Variants in DCUN1D4 observed in about 807,000 individuals in gnomAD.
DCUN1D4 encodes DCN1-like protein 4.
In DCUN1D4, 22 loss-of-function variants were observed where a neutral mutation model predicts 47.9. That is an observed-to-expected ratio of 0.46 (90% CI 0.33 to 0.66). The LOEUF (loss-of-function observed/expected upper bound fraction) is 0.66, where lower values mean the gene tolerates loss of function less well. Ranked by LOEUF, DCUN1D4 falls within the 30% of genes least tolerant of loss-of-function variation. The probability of loss-of-function intolerance (pLI) is 0.02; values close to 1 mark genes in which losing one functional copy is unlikely to be tolerated. For synonymous variants in DCUN1D4, 121 were observed against 112.2 expected, an observed-to-expected ratio of 1.08 and a Z score of -0.50; for missense variants, 301 against 340.8, an observed-to-expected ratio of 0.88 and a Z score of 0.92.
chr4:51,846,096 T>C (rs1349797140), intron 1 of DCUN1D4, among the ~76,000 whole-genome samples: 7 of 152,218 alleles, frequency 4.6e-5, no homozygotes, highest in Non-Finnish European at 1.0e-4. Flanking sequence ...TCTCTTTTTC[T>C]TTTGTTCTAT....
chr4:51,880,250 G>C (rs1037964059), intron 5 of DCUN1D4, among the ~76,000 whole-genome samples: 5 of 152,212 alleles, frequency 3.3e-5, no homozygotes, highest in Admixed American at 6.5e-5. Flanking sequence ...GCTGTAGGAT[G>C]AGTCTGTGGG....
chr4:51,912,936 G>A (rs1733917095), intron 9 of DCUN1D4, among the ~76,000 whole-genome samples: 1 of 152,154 alleles, frequency 6.6e-6, no homozygotes, highest in Non-Finnish European at 1.5e-5. Flanking sequence ...ACATAAATTA[G>A]TAAATGATCT....
At position 51,843,198 on chromosome 4, in the gene DCUN1D4, G is replaced by C; in HGVS notation, c.-45G>C. On this transcript the variant is annotated 5_prime_UTR_variant, in exon 1 of 11. Transcript: ENST00000334635. ...TGAGCTGGTGGGGGGACCGCGAGGCGAGCGCGGGAGCCTGGGCGGCGAGCC... is the reference window on the plus strand; with the variant it reads ...TGAGCTGGTGGGGGGACCGCGAGGCCAGCGCGGGAGCCTGGGCGGCGAGCC... 1 of 1,538,134 alleles carries C rather than the reference G, an allele frequency of 6.5e-7. No homozygotes were observed.
chr4:51,843,225 G>A lies in DCUN1D4; in HGVS notation c.-18G>A, dbSNP rs749351948. The A allele has an allele frequency of 2.6e-6, 4 of 1,541,526 alleles. No individual in the cohort carries two copies. Among genetic ancestry groups the A allele is most frequent in the African/African-American group, 2.8e-5 (2 of 72,194 alleles). ...GCGCGGGAGCCTGGGCGGCGAGCCGGGTGTGAGCTGCCTGAAAATGCACTC... is the reference window on the plus strand; with the variant it reads ...GCGCGGGAGCCTGGGCGGCGAGCCGAGTGTGAGCTGCCTGAAAATGCACTC... On this transcript the variant is annotated 5_prime_UTR_variant, in exon 1 of 11. Transcript: ENST00000334635.
At chr4:51,908,930 G>A (rs762979671) in intron 8 of DCUN1D4, 3 of 456,290 alleles carry the variant, frequency 6.6e-6, no homozygotes, top group South Asian at 4.6e-5. Context: ...GCCGAAGATG[G>A]TGTTAGTGAT....
intron 8 of DCUN1D4, chr4:51,905,095 C>A: frequency 2.5e-6 from 1 of 403,828 alleles, no homozygotes. Flanking sequence ...TTCTTTCTTC[C>A]CCTTTGAACC....
chr4:51,866,231 C>T (rs866579799), intron 3 of DCUN1D4, among the ~76,000 whole-genome samples: 2 of 152,126 alleles, frequency 1.3e-5, no homozygotes, highest in East Asian at 1.9e-4. Flanking sequence ...GCAGTATATT[C>T]GCATAGTTTT....
At chr4:51,904,220 C>T (rs193153380) in intron 8 of DCUN1D4, among the ~76,000 whole-genome samples, 1 of 152,246 alleles carries the variant, frequency 6.6e-6, no homozygotes, top group East Asian at 1.9e-4. Context: ...TTTGGCCCCA[C>T]TACTAAGGCA....
In DCUN1D4 at chr4:51,877,791, A is replaced by G. The variant is rs1400164933; in HGVS notation, c.280A>G (p.Ile94Val). 6.8e-6 allele frequency: 11 copies of G among 1,611,900 alleles called. No individual in the cohort carries two copies. Among genetic ancestry groups the G allele is most frequent in the Non-Finnish European group, 9.3e-6 (11 of 1,179,128 alleles). Residue 94 changes from isoleucine (I) to valine (V), a missense_variant, in exon 5 of 11, where the codon ATA (isoleucine) becomes GTA (valine). Ile to Val is a conservative substitution (Grantham distance 29). Around this residue, in one of 2 missense-constraint regions of DCUN1D4, gnomAD observed 170 missense variants for 234.5 expected, o/e 0.73. Coordinates refer to ENST00000334635, the MANE Select transcript of DCUN1D4 (RefSeq NM_001040402.3). ...GTATAGAAAATATGATTCGACTAGA[A>G]TAAAGACTGAAGAAGAAGCCTTTTC... ...SMYRKYDSTR[I>V]KTEEEAFSSK...
Position 51,916,479 on chromosome 4 carries a change from C to T in DCUN1D4, c.*2895C>T, listed in dbSNP as rs1247168529. ...TTTTATTCTTAAAACTGCTAAAATA[C>T]CTCTGTAAGCCTTATCCTTTATTCT... On this transcript the variant is annotated 3_prime_UTR_variant, in exon 11 of 11. Transcript: ENST00000334635. 1 of 152,488 alleles carries T rather than the reference C, an allele frequency of 6.6e-6. No homozygotes were observed. The highest frequency in any genetic ancestry group is 2.4e-5 in the African/African-American group (1 of 41,400). The allele number at this position is 152,488 out of a possible 1,614,324, so 9.4% of individuals were successfully genotyped here. A position where few individuals can be genotyped will look rare whatever the true frequency, so the allele number is the denominator to read the frequency against.
intron 6 of DCUN1D4, 179 bp downstream of exon 6, chr4:51,886,817 T>C: frequency 1.7e-6 from 1 of 587,644 alleles, no homozygotes. Context: ...TTCTTGTAAG[T>C]GATATGGTGT....
intron 4 of DCUN1D4, among the ~76,000 whole-genome samples, chr4:51,876,151 T>TA (rs1045635222): frequency 6.6e-6 from 1 of 152,052 alleles, no homozygotes; most frequent in Non-Finnish European, 1.5e-5. Context: ...CAATGTTCAA[T>TA]AAAAAAGAAT....
At chr4:51,894,679 C>T (rs1046278198) in intron 7 of DCUN1D4, among the ~76,000 whole-genome samples, 1 of 152,076 alleles carries the variant, frequency 6.6e-6, no homozygotes, top group African/African-American at 2.4e-5. Flanking sequence ...AGAAAGTAGT[C>T]GATCTTTAAA....
intron 1 of DCUN1D4, chr4:51,843,708 G>A: frequency 2.4e-6 from 3 of 1,230,420 alleles, no homozygotes; most frequent in Non-Finnish European, 3.0e-6. Flanking sequence ...TTTCCAAAGG[G>A]CTGAGTGGTG....
intron 5 of DCUN1D4, among the ~76,000 whole-genome samples, chr4:51,886,346 C>T (rs746678576): frequency 5.3e-5 from 8 of 152,110 alleles, no homozygotes; most frequent in Non-Finnish European, 8.8e-5. Flanking sequence ...CATATTCCAA[C>T]GATTGAAGGA....
intron 6 of DCUN1D4, among the ~76,000 whole-genome samples, chr4:51,887,791 A>G (rs1447996515): frequency 1.3e-5 from 2 of 149,364 alleles, no homozygotes; most frequent in Admixed American, 6.7e-5. Context: ...TACCCTTACC[A>G]TTTCTGTGCT....
chr4:51,856,637 G>A (rs1477483777), intron 1 of DCUN1D4, among the ~76,000 whole-genome samples: 1 of 152,186 alleles, frequency 6.6e-6, no homozygotes, highest in African/African-American at 2.4e-5. Flanking sequence ...GAAGATAAGA[G>A]TTTTGCCCAG....
At chr4:51,905,173 T>C (rs1273767349) in intron 8 of DCUN1D4, 1 of 453,684 alleles carries the variant, frequency 2.2e-6, no homozygotes, top group South Asian at 1.6e-5. Flanking sequence ...TGTCTTTGAC[T>C]TGAACTTATT....
intron 1 of DCUN1D4, chr4:51,844,512 G>A: frequency 1.6e-6 from 1 of 608,672 alleles, no homozygotes; most frequent in Non-Finnish European, 2.1e-6. Context: ...CCGGGTCGGG[G>A]GCTTGGCGCC....
Sources: allele counts gnomAD v4.1 joint callset (sites outside exome capture counted in the v4.1 genomes callset), GRCh38; gene constraint gnomAD v4.1.1; regional missense constraint gnomAD v4.1.1; transcripts MANE v1.5; gene names NCBI Gene and HGNC (gene_info 2026-07-23, HGNC 2026-07-21).